The following VPS8 variants were observed in gnomAD, a reference collection of about 807,000 sequenced individuals.
VPS8 encodes the protein VPS8 subunit of CORVET complex.
In VPS8, 129 loss-of-function variants were observed where a neutral mutation model predicts 216.4. The observed-to-expected ratio is 0.60, with a 90% CI of 0.52 to 0.69. The LOEUF (loss-of-function observed/expected upper bound fraction) is 0.69, where lower values mean the gene tolerates loss of function less well. Among genes scored for constraint, VPS8 ranks in the 30% least tolerant of loss-of-function variants. The pLI, the probability that VPS8 is intolerant of heterozygous loss-of-function variation, is 0.00. For missense variants in VPS8, 1,531 were observed against 1,683.5 expected (o/e 0.91, Z 1.59); for synonymous variants, 571 against 565.4 (o/e 1.01, Z -0.14).
At chr3:184,874,466 G>A (rs1728894185) in intron 21 of VPS8, among the ~76,000 whole-genome samples, 1 of 152,124 alleles carries the variant, frequency 6.6e-6, no homozygotes, top group Non-Finnish European at 1.5e-5. Context: ...GTAGCGCCAA[G>A]AATCAAGGTT....
chr3:184,896,803 A>G (rs1733570878), intron 23 of VPS8, among the ~76,000 whole-genome samples: 2 of 152,352 alleles, frequency 1.3e-5, no homozygotes, highest in Admixed American at 1.3e-4. Context: ...TTTCAATACA[A>G]GTATTATGTT....
chr3:185,006,763 G>A (rs930544456), intron 45 of VPS8, among the ~76,000 whole-genome samples: 6 of 152,142 alleles, frequency 3.9e-5, no homozygotes, highest in African/African-American at 9.7e-5. Flanking sequence ...GGCAGCTTCC[G>A]CCTGTTGCTG....
chr3:185,008,416 A>G (rs750818040), intron 45 of VPS8, among the ~76,000 whole-genome samples: 72 of 152,228 alleles, frequency 4.7e-4, no homozygotes, highest in Non-Finnish European at 5.1e-4. Flanking sequence ...AGTTCCCACT[A>G]TCATGTATCT....
intron 42 of VPS8, among the ~76,000 whole-genome samples, chr3:184,993,298 A>G (rs1371950100): frequency 6.6e-6 from 1 of 151,992 alleles, no homozygotes; most frequent in South Asian, 2.1e-4. Flanking sequence ...AACAGTGTTT[A>G]CCTCTAGTTG....
intron 45 of VPS8, among the ~76,000 whole-genome samples, chr3:185,021,845 G>C (rs912076958): frequency 1.3e-5 from 2 of 152,206 alleles, no homozygotes; most frequent in African/African-American, 4.8e-5. Flanking sequence ...CATCTGTACT[G>C]TAGTCTCTTA....
At chr3:184,959,620 A>T (rs1017432366) in intron 37 of VPS8, among the ~76,000 whole-genome samples, 21 of 152,042 alleles carry the variant, frequency 1.4e-4, no homozygotes, top group Non-Finnish European at 2.8e-4. Context: ...GTCATAAAAA[A>T]TTTTTTCAGT....
chr3:185,031,312 C>A (rs34140818), intron 46 of VPS8, among the ~76,000 whole-genome samples: 113 of 152,236 alleles, frequency 7.4e-4, no homozygotes, highest in African/African-American at 2.6e-3. Context: ...ACCCTTAACT[C>A]TTTCCTGCAA....
In VPS8 at chr3:184,928,505, C is replaced by T; in HGVS notation, c.2686C>T (p.Leu896Phe). The change falls in exon 32 of 48, where the codon CTC (leucine) becomes TTC (phenylalanine). Residue 896 changes from leucine to phenylalanine, a missense_variant. By Grantham distance (22) the Leu-to-Phe change is conservative. Coordinates refer to ENST00000625842, the MANE Select transcript of VPS8 (RefSeq NM_001009921.3). Reference sequence around the variant, plus strand: ...CATAGTTCAATTTGAAGAGAGTCGACTCATCCGGATGGCAGAAAAAGCTGA... The same window carrying T: ...CATAGTTCAATTTGAAGAGAGTCGATTCATCCGGATGGCAGAAAAAGCTGA... Reference protein sequence around the residue: ...GGIVQFEESRLIRMAEKAEFY... With the variant: ...GGIVQFEESRFIRMAEKAEFY... 8 of 1,533,412 alleles carry T rather than the reference C, an allele frequency of 5.2e-6. No individual in the cohort carries two copies. The highest frequency in any genetic ancestry group is 2.6e-5 in the East Asian group (1 of 39,200). The allele number at this position is 1,533,412 out of a possible 1,614,324, so 95.0% of individuals were successfully genotyped here. A position where few individuals can be genotyped will look rare whatever the true frequency, so the allele number is the denominator to read the frequency against.
rs751396490 is a variant in VPS8 at position 184,999,715 on chromosome 3, T to C, written c.3856T>C (p.Ser1286Pro). The change falls in exon 45 of 48, where the codon TCA becomes CCA. Residue 1286 changes from serine to proline, a missense_variant. By Grantham distance (74) the Ser-to-Pro change is moderately conservative. Transcript: ENST00000625842. Reference sequence around the variant, plus strand: ...TTGCAGCTGTGGCCATTTGTATCACTCATTCTGCCTACAAAACAAAGAATG... The same window carrying C: ...TTGCAGCTGTGGCCATTTGTATCACCCATTCTGCCTACAAAACAAAGAATG... Reference protein sequence around the residue: ...IVFSCGHLYHSFCLQNKECTV... With the variant: ...IVFSCGHLYHPFCLQNKECTV... The C allele has an allele frequency of 2.0e-5, 33 of 1,611,126 alleles. No homozygotes were observed. The highest frequency in any genetic ancestry group is 2.6e-5 in the Non-Finnish European group (31 of 1,179,100).
At chr3:185,024,059 T>C (rs1757023693) in intron 45 of VPS8, among the ~76,000 whole-genome samples, 1 of 152,186 alleles carries the variant, frequency 6.6e-6, no homozygotes, top group African/African-American at 2.4e-5. Context: ...TCACCAAAGA[T>C]CTATTATCTA....
At chr3:184,876,981 C>G (rs1482278395) in intron 21 of VPS8, among the ~76,000 whole-genome samples, 1 of 152,150 alleles carries the variant, frequency 6.6e-6, no homozygotes, top group Non-Finnish European at 1.5e-5. Flanking sequence ...ACTAAATTCC[C>G]TAACATTTTC....
intron 7 of VPS8, among the ~76,000 whole-genome samples, chr3:184,841,530 A>G (rs912540288): frequency 2.6e-5 from 4 of 152,160 alleles, no homozygotes; most frequent in Admixed American, 6.5e-5. Context: ...CTTCGTTACT[A>G]CATTTCTGTG....
At chr3:184,985,018 T>C (rs1395968108) in intron 42 of VPS8, among the ~76,000 whole-genome samples, 2 of 152,178 alleles carry the variant, frequency 1.3e-5, no homozygotes. Context: ...CATTTTCTAT[T>C]TTCAATGGTT....
At chr3:184,958,041 T>G (rs1482509920) in intron 37 of VPS8, among the ~76,000 whole-genome samples, 1 of 152,208 alleles carries the variant, frequency 6.6e-6, no homozygotes, top group Non-Finnish European at 1.5e-5. Context: ...TTAACAATCC[T>G]CAATATTTGG....
chr3:184,962,054 A>G, intron 37 of VPS8, among the ~76,000 whole-genome samples: 1 of 152,348 alleles, frequency 6.6e-6, no homozygotes, highest in South Asian at 2.1e-4. Flanking sequence ...GAGCCAGTGC[A>G]CCCGGCCACT....
At chr3:184,945,183 A>G (rs1743466932) in intron 36 of VPS8, among the ~76,000 whole-genome samples, 1 of 151,696 alleles carries the variant, frequency 6.6e-6, no homozygotes, top group Non-Finnish European at 1.5e-5. Flanking sequence ...CTATATATAT[A>G]TGTTTATTAC....
chr3:184,982,932 C>G, intron 41 of VPS8, 80 bp from the exon 42 acceptor site: 1 of 1,269,208 alleles, frequency 7.9e-7, no homozygotes, highest in Non-Finnish European at 1.1e-6. Context: ...TATAAATGCA[C>G]TGTTTTTCCA....
intron 36 of VPS8, among the ~76,000 whole-genome samples, chr3:184,950,791 C>G (rs532426328): frequency 1.3e-5 from 2 of 152,168 alleles, no homozygotes; most frequent in African/African-American, 4.8e-5. Context: ...TCGTTCAGCT[C>G]CCTCTTATGA....
intron 31 of VPS8, among the ~76,000 whole-genome samples, chr3:184,927,529 G>A (rs902182047): frequency 6.6e-6 from 1 of 152,096 alleles, no homozygotes; most frequent in Non-Finnish European, 1.5e-5. Flanking sequence ...GCTTAGTGTT[G>A]TAAAAATTAA....
Sources: gnomAD v4.1 joint callset for allele counts (sites outside exome capture counted in the v4.1 genomes callset) on GRCh38, gnomAD v4.1.1 for gene constraint, MANE v1.5 for transcripts, NCBI Gene and HGNC (gene_info 2026-07-23, HGNC 2026-07-21) for gene names.